CDH12: variants seen among roughly 807,000 people sequenced by gnomAD.
CDH12 encodes cadherin-12.
Under a neutral mutation model 74.1 loss-of-function variants are expected in CDH12, and 41 were observed. That is an observed-to-expected ratio of 0.55 (90% confidence interval 0.43 to 0.72). CDH12 has a LOEUF of 0.72. CDH12 is among the 30% of genes least tolerant of loss of function. The pLI, the probability that CDH12 is intolerant of heterozygous loss-of-function variation, is 0.00. For missense variants in CDH12, 945 were observed against 977.2 expected (o/e 0.97, Z 0.44); for synonymous variants, 399 against 355.0 (o/e 1.12, Z -1.39).
At chr5:22,281,060 T>G (rs1222398979) in intron 3 of CDH12, among the ~76,000 whole-genome samples, 2 of 152,196 alleles carry the variant, frequency 1.3e-5, no homozygotes, top group East Asian at 3.9e-4. Context: ...GATGCAAGTC[T>G]GGTTCAATAT....
chr5:22,516,564 G>A (rs1736814861), intron 1 of CDH12, among the ~76,000 whole-genome samples: 1 of 152,128 alleles, frequency 6.6e-6, no homozygotes, highest in South Asian at 2.1e-4. Context: ...GGAGGCTGAG[G>A]TGGGTGGATC....
chr5:22,734,791 G>T (rs1744602713), intron 1 of CDH12, among the ~76,000 whole-genome samples: 1 of 151,882 alleles, frequency 6.6e-6, no homozygotes, highest in Non-Finnish European at 1.5e-5. Context: ...AAGAACCGTT[G>T]TAAACCTGTT....
chr5:22,836,223 C>CTTTTTTTTTTTTTTTTTTTTTTTT lies in CDH12; in HGVS notation c.-523+16834_-523+16835insAAAAAAAAAAAAAAAAAAAAAAAA, dbSNP rs61616737. ...TTTTTTTCTTTTTTTCTTTCTTTCT[C>CTTTTTTTTTTTTTTTTTTTTTTTT]TTTTTTTTTTTTTTTTTTGAGACAG... On this transcript the variant is annotated intron_variant, in intron 1 of 14. Coordinates refer to ENST00000382254, the MANE Select transcript of CDH12 (RefSeq NM_004061.5). 8.9e-4 allele frequency among the ~76,000 whole-genome samples: 58 copies of CTTTTTTTTTTTTTTTTTTTTTTTT among 65,500 alleles called. 9 individuals are homozygous for CTTTTTTTTTTTTTTTTTTTTTTTT. The highest frequency in any genetic ancestry group is 1.1e-3 in the Non-Finnish European group (43 of 38,638). 43.0% of individuals were successfully genotyped at this position (65,500 alleles called of 152,430 possible).
At chr5:22,180,940 G>C (rs1439695100) in intron 4 of CDH12, among the ~76,000 whole-genome samples, 2 of 152,004 alleles carry the variant, frequency 1.3e-5, no homozygotes, top group Non-Finnish European at 2.9e-5. Flanking sequence ...ATAATTTGGG[G>C]TACCTTGAAT....
chr5:22,847,102 C>A (rs1389870353), intron 1 of CDH12, among the ~76,000 whole-genome samples: 1 of 152,036 alleles, frequency 6.6e-6, no homozygotes, highest in Non-Finnish European at 1.5e-5. Flanking sequence ...TATTGGTGAT[C>A]TTCTTCTAGT....
At chr5:22,014,392 T>C (rs1240616144) in intron 5 of CDH12, among the ~76,000 whole-genome samples, 1 of 152,136 alleles carries the variant, frequency 6.6e-6, no homozygotes, top group Non-Finnish European at 1.5e-5. Context: ...TCCTCAGAAA[T>C]ATATATCTTA....
At chr5:22,728,834 C>T (rs1237187183) in intron 1 of CDH12, among the ~76,000 whole-genome samples, 1 of 151,716 alleles carries the variant, frequency 6.6e-6, no homozygotes, top group African/African-American at 2.4e-5. Context: ...AGCCCTCCAC[C>T]GTCATGACCT....
chr5:22,283,277 T>C (rs185575128), intron 3 of CDH12, among the ~76,000 whole-genome samples: 47,534 of 116,250 alleles, frequency 0.41, 8,345 homozygotes, highest in East Asian at 0.56. Flanking sequence ...CACACACACA[T>C]ATACACACAT....
At chr5:22,783,062 G>A (rs1401742951) in intron 1 of CDH12, among the ~76,000 whole-genome samples, 1 of 152,038 alleles carries the variant, frequency 6.6e-6, no homozygotes, top group African/African-American at 2.4e-5. Context: ...GGAATGCTGT[G>A]TGGCTAATTC....
At chr5:22,713,176 C>T (rs1743380022) in intron 1 of CDH12, among the ~76,000 whole-genome samples, 1 of 120,738 alleles carries the variant, frequency 8.3e-6, no homozygotes, top group Admixed American at 1.1e-4. Context: ...GAGTCTTGCT[C>T]TCCCGCCCAT....
At chr5:21,801,677 A>G (rs990087227) in intron 10 of CDH12, among the ~76,000 whole-genome samples, 1 of 152,186 alleles carries the variant, frequency 6.6e-6, no homozygotes, top group East Asian at 1.9e-4. Flanking sequence ...TTTCACCTCA[A>G]CAACAGTAGA....
chr5:22,104,710 G>T (rs543428344), intron 4 of CDH12, among the ~76,000 whole-genome samples: 2 of 152,236 alleles, frequency 1.3e-5, no homozygotes, highest in East Asian at 3.9e-4. Context: ...TTATCCTCCA[G>T]AATCCTCTTT....
intron 3 of CDH12, among the ~76,000 whole-genome samples, chr5:22,299,125 C>T (rs929204491): frequency 6.6e-6 from 1 of 152,086 alleles, no homozygotes; most frequent in African/African-American, 2.4e-5. Flanking sequence ...ATACCTATAT[C>T]TGAGAAAAGA....
intron 1 of CDH12, among the ~76,000 whole-genome samples, chr5:22,652,669 T>A (rs1181635155): frequency 6.6e-6 from 1 of 152,158 alleles, no homozygotes; most frequent in Non-Finnish European, 1.5e-5. Flanking sequence ...AAATATAGAC[T>A]TTTACAAGTA....
intron 4 of CDH12, among the ~76,000 whole-genome samples, chr5:22,148,946 C>T (rs1235081272): frequency 2.0e-5 from 3 of 152,090 alleles, no homozygotes; most frequent in East Asian, 3.9e-4. Context: ...TGGTGAAACC[C>T]CGTCTCACTA....
At chr5:22,159,017 G>T (rs1748179222) in intron 4 of CDH12, among the ~76,000 whole-genome samples, 1 of 152,048 alleles carries the variant, frequency 6.6e-6, no homozygotes, top group Non-Finnish European at 1.5e-5. Context: ...GTTGGCATCG[G>T]TTCCCCTATG....
At chr5:21,768,103 A>G (rs1476294989) in intron 11 of CDH12, among the ~76,000 whole-genome samples, 1 of 151,776 alleles carries the variant, frequency 6.6e-6, no homozygotes, top group Non-Finnish European at 1.5e-5. Flanking sequence ...ATACTTATGA[A>G]GGAAATTTAA....
At chr5:22,060,712 C>G (rs189626049) in intron 5 of CDH12, among the ~76,000 whole-genome samples, 54 of 152,124 alleles carry the variant, frequency 3.5e-4, no homozygotes, top group African/African-American at 1.3e-3. Flanking sequence ...CCTGCAGGTT[C>G]TTTTTTTGAG....
At chr5:22,808,887 G>A (rs1748967519) in intron 1 of CDH12, among the ~76,000 whole-genome samples, 1 of 150,550 alleles carries the variant, frequency 6.6e-6, no homozygotes, top group African/African-American at 2.4e-5. Context: ...GATTACAGGG[G>A]TGTGCCACCA....
Sources: gnomAD v4.1 joint callset for allele counts (sites outside exome capture counted in the v4.1 genomes callset) on GRCh38, gnomAD v4.1.1 for gene constraint, MANE v1.5 for transcripts, NCBI Gene and HGNC (gene_info 2026-07-23, HGNC 2026-07-21) for gene names.